Variants in CYREN observed in about 807,000 individuals in gnomAD.
The protein encoded by CYREN is cell cycle regulator of NHEJ, also known as cell cycle regulator of non-homologous end joining.
In CYREN, 7 loss-of-function variants were observed where a neutral mutation model predicts 9.7. That is an observed-to-expected ratio of 0.72 (90% confidence interval 0.41 to 1.36). The LOEUF is 1.36. Ranked by LOEUF, CYREN falls within the 40% of genes most tolerant of loss-of-function variation. CYREN has a pLI of 0.01. For missense variants in CYREN, 215 were observed against 198.1 expected (o/e 1.09, Z -0.51); for synonymous variants, 76 against 77.9 (o/e 0.98, Z 0.13).
intron 2 of CYREN, among the ~76,000 whole-genome samples, chr7:135,101,932 G>A (rs577428458): frequency 1.3e-5 from 2 of 152,216 alleles, no homozygotes; most frequent in East Asian, 1.9e-4. Context: ...TAAGTCTCAC[G>A]AGATCCGTTG....
At chr7:135,171,738 T>C (rs1408196954), upstream of CYREN, among the ~76,000 whole-genome samples, 1 of 152,170 alleles carries the variant, frequency 6.6e-6, no homozygotes, top group African/African-American at 2.4e-5. Context: ...CTTGTCCTGC[T>C]ACAGTCCTTG....
intron 2 of CYREN, among the ~76,000 whole-genome samples, chr7:135,118,841 A>T (rs966353765): frequency 2.0e-5 from 3 of 152,190 alleles, no homozygotes; most frequent in Non-Finnish European, 4.4e-5. Context: ...ACCAAATAGA[A>T]ATTTTTGAAT....
At chr7:135,131,740 C>T (rs1055780501) in intron 2 of CYREN, among the ~76,000 whole-genome samples, 1 of 151,746 alleles carries the variant, frequency 6.6e-6, no homozygotes, top group Admixed American at 6.6e-5. Flanking sequence ...AAAAATGACA[C>T]AGAAAATCAG....
chr7:135,164,540 C>A, downstream of CYREN: 1 of 1,614,192 alleles, frequency 6.2e-7, no homozygotes, highest in Non-Finnish European at 8.5e-7. Flanking sequence ...ACGCTCTTCT[C>A]TGGGAGGCTG....
intron 2 of CYREN, among the ~76,000 whole-genome samples, chr7:135,158,767 C>T (rs1829856710): frequency 6.6e-6 from 1 of 152,194 alleles, no homozygotes; most frequent in Non-Finnish European, 1.5e-5. Flanking sequence ...AGCAGGGCAG[C>T]AGACCCTCCC....
At chr7:135,102,908 A>C (rs928623001) in intron 2 of CYREN, among the ~76,000 whole-genome samples, 1 of 152,218 alleles carries the variant, frequency 6.6e-6, no homozygotes, top group Non-Finnish European at 1.5e-5. Context: ...CAATTATAAA[A>C]GAAAAACTTG....
intron 2 of CYREN, among the ~76,000 whole-genome samples, chr7:135,105,335 GC>G (rs34102944): frequency 0.44 from 67,357 of 151,990 alleles, 15,537 homozygotes; most frequent in East Asian, 0.78. Context: ...CTCCCAAAGT[GC>G]TGGGATTACA....
intron 2 of CYREN, among the ~76,000 whole-genome samples, chr7:135,119,185 T>TA (rs1171549109): frequency 2.0e-5 from 3 of 151,836 alleles, no homozygotes; most frequent in Non-Finnish European, 4.4e-5. Context: ...AGCAGACCAT[T>TA]AATAGGATAC....
At chr7:135,163,844 C>G (rs1253929363), downstream of CYREN, among the ~76,000 whole-genome samples, 1 of 152,200 alleles carries the variant, frequency 6.6e-6, no homozygotes, top group Non-Finnish European at 1.5e-5. Flanking sequence ...GTCCTTGACC[C>G]AGGCTCACCT....
intron 2 of CYREN, among the ~76,000 whole-genome samples, chr7:135,104,116 G>A (rs968652218): frequency 6.6e-6 from 1 of 151,814 alleles, no homozygotes; most frequent in Admixed American, 6.6e-5. Flanking sequence ...CCCTCTTTGT[G>A]TCCCTATGTT....
intron 2 of CYREN, among the ~76,000 whole-genome samples, chr7:135,125,746 A>G (rs1252439366): frequency 6.6e-6 from 1 of 152,262 alleles, no homozygotes; most frequent in Non-Finnish European, 1.5e-5. Flanking sequence ...CAACATATGC[A>G]AATCAATAAA....
chr7:135,121,066 G>A (rs1329850773), intron 2 of CYREN, among the ~76,000 whole-genome samples: 1 of 152,270 alleles, frequency 6.6e-6, no homozygotes, highest in Admixed American at 6.5e-5. Context: ...TTAGCCGGGT[G>A]TGGTGTCTCA....
In CYREN at chr7:135,168,990, T is replaced by A; in HGVS notation, c.-68A>T. On this transcript the variant is annotated 5_prime_UTR_variant, in exon 2 of 4. Transcript: ENST00000393114. ...TGACCTGTTTTTTAATTCAGGAAGGTAAATCTCGTTCTCTCGTCACACCCG... is the reference window on the plus strand; with the variant it reads ...TGACCTGTTTTTTAATTCAGGAAGGAAAATCTCGTTCTCTCGTCACACCCG... 6.9e-7 allele frequency: 1 copy of A among 1,439,592 alleles called. No individual in the cohort carries two copies. The highest frequency in any genetic ancestry group is 9.3e-7 in the Non-Finnish European group (1 of 1,075,392). 89.2% of individuals were successfully genotyped at this position (1,439,592 alleles called of 1,614,324 possible). A position where few individuals can be genotyped will look rare whatever the true frequency, so the allele number is the denominator to read the frequency against.
intron 2 of CYREN, among the ~76,000 whole-genome samples, chr7:135,100,826 C>T (rs1823724865): frequency 6.6e-6 from 1 of 151,996 alleles, no homozygotes; most frequent in African/African-American, 2.4e-5. Context: ...AATGCTACAC[C>T]CACCTCTGCC....
chr7:135,098,896 T>C (rs2348267), intron 2 of CYREN, among the ~76,000 whole-genome samples: 36,177 of 152,062 alleles, frequency 0.24, 5,350 homozygotes, highest in South Asian at 0.42. Context: ...ATATGACATA[T>C]AAAACTTAAA....
At chr7:135,118,503 G>A (rs561119182) in intron 2 of CYREN, among the ~76,000 whole-genome samples, 1 of 152,254 alleles carries the variant, frequency 6.6e-6, no homozygotes, top group East Asian at 1.9e-4. Flanking sequence ...TTGCAGTAAT[G>A]AGGTCTTATC....
chr7:135,122,008 C>A (rs751846008), intron 2 of CYREN, among the ~76,000 whole-genome samples: 4 of 152,236 alleles, frequency 2.6e-5, no homozygotes, highest in Non-Finnish European at 5.9e-5. Flanking sequence ...CTGCTTAAGC[C>A]TACAGAGCTC....
chr7:135,096,073 A>C (rs929498735), intron 2 of CYREN, among the ~76,000 whole-genome samples: 3 of 151,646 alleles, frequency 2.0e-5, no homozygotes, highest in Non-Finnish European at 4.4e-5. Context: ...AATTGCTTGA[A>C]CCTGGGAGGC....
At chr7:135,109,016 G>T (rs1460943206) in intron 2 of CYREN, among the ~76,000 whole-genome samples, 1 of 151,858 alleles carries the variant, frequency 6.6e-6, no homozygotes, top group Non-Finnish European at 1.5e-5. Flanking sequence ...TTCTTGTAGT[G>T]TGTTTTATAG....
Sources: allele counts gnomAD v4.1 joint callset (sites outside exome capture counted in the v4.1 genomes callset), GRCh38; gene constraint gnomAD v4.1.1; transcripts MANE v1.5; gene names NCBI Gene and HGNC (gene_info 2026-07-23, HGNC 2026-07-21).